Variants in WDR88 observed in about 807,000 individuals in gnomAD.
WDR88 encodes WD repeat-containing protein 88.
In WDR88, 40 loss-of-function variants were observed where a neutral mutation model predicts 46.8. That is an observed-to-expected ratio of 0.86 (90% confidence interval 0.66 to 1.11). The LOEUF (loss-of-function observed/expected upper bound fraction) is 1.11, where lower values mean the gene tolerates loss of function less well. WDR88 is among the 50% of genes most tolerant of loss of function. The pLI is 0.00. For synonymous variants in WDR88, 235 were observed against 240.7 expected (o/e 0.98, Z 0.22); for missense variants, 562 against 602.4 (o/e 0.93, Z 0.70).
intron 2 of WDR88, among the ~76,000 whole-genome samples, chr19:33,140,190 T>C (rs1011852399): frequency 1.3e-5 from 2 of 152,216 alleles, no homozygotes; most frequent in Admixed American, 6.5e-5. Flanking sequence ...AGTCTTTCTC[T>C]GTCACCCAGG....
chr19:33,143,989 C>T (rs572017580), intron 2 of WDR88, among the ~76,000 whole-genome samples: 2 of 152,218 alleles, frequency 1.3e-5, no homozygotes, highest in South Asian at 4.1e-4. Context: ...TGTCTGGGTC[C>T]ACAGGGATGG....
intron 10 of WDR88, among the ~76,000 whole-genome samples, chr19:33,173,166 G>T (rs140642144): frequency 6.8e-6 from 1 of 147,888 alleles, no homozygotes. Context: ...TGCAGAGAGA[G>T]CCTGAGAGGC....
intron 2 of WDR88, among the ~76,000 whole-genome samples, chr19:33,140,509 G>C (rs1347578800): frequency 6.6e-6 from 1 of 152,152 alleles, no homozygotes; most frequent in Non-Finnish European, 1.5e-5. Context: ...AGACACGTCG[G>C]CTGGGCGCAG....
At chr19:33,143,913 C>T (rs200869636) in intron 2 of WDR88, among the ~76,000 whole-genome samples, 21 of 152,248 alleles carry the variant, frequency 1.4e-4, no homozygotes, top group East Asian at 1.4e-3. Flanking sequence ...CCTTTATTTT[C>T]CAACTGTTTA....
chr19:33,153,633 T>C (rs931248147), intron 6 of WDR88, among the ~76,000 whole-genome samples: 2 of 152,272 alleles, frequency 1.3e-5, no homozygotes, highest in African/African-American at 4.8e-5. Flanking sequence ...TAGGTGGGAC[T>C]ACAGGCGCCC....
chr19:33,172,900 G>A (rs967355652), intron 10 of WDR88, among the ~76,000 whole-genome samples: 1 of 151,818 alleles, frequency 6.6e-6, no homozygotes, highest in Non-Finnish European at 1.5e-5. Flanking sequence ...GACCAGCCTG[G>A]CCAACATGGT....
Position 33,156,395 on chromosome 19 carries a change from A to G in WDR88, c.850A>G (p.Ser284Gly), listed in dbSNP as rs767526630. The G allele has an allele frequency of 5.6e-6, 9 of 1,614,168 alleles. No individual in the cohort carries two copies. The Admixed American group carries it at 1.3e-4, about 24-fold the overall frequency. The part of the protein sequence containing the change: ...NAISNCCFTF[S>G]GHFLCTSSWD... ...AATCTCAAACTGCTGTTTTACCTTC[A>G]GTGGCCATTTCCTGTGTACAAGCTC... The change falls in exon 7 of 11, where the codon AGT (serine) becomes GGT (glycine). Residue 284 changes from serine (S) to glycine (G), a missense_variant. Ser to Gly is a moderately conservative substitution (Grantham distance 56). Transcript: ENST00000355868.
chr19:33,137,719 A>T lies in WDR88; in HGVS notation c.319A>T (p.Thr107Ser). 6.2e-7 allele frequency: 1 copy of T among 1,600,806 alleles called. No individual in the cohort carries two copies. Among genetic ancestry groups the T allele is most frequent in the Non-Finnish European group, 8.5e-7 (1 of 1,174,788 alleles). The change falls in exon 2 of 11, where the codon ACC (threonine) becomes TCC (serine). Residue 107 changes from threonine to serine, a missense_variant. Transcript: ENST00000355868. ...GAGTGGGCACGAGCACGCTGTGAGC[A>T]CCTGCCACTTCTGTGTGGATGACAC... is the stretch of plus-strand genomic sequence containing the variant. ...ILSGHEHAVS[T>S]CHFCVDDTKL...
chr19:33,133,811 G>A, intron 1 of WDR88, among the ~76,000 whole-genome samples: 1 of 152,170 alleles, frequency 6.6e-6, no homozygotes, highest in East Asian at 1.9e-4. Flanking sequence ...TGCCCCCACG[G>A]TATTGCGCTC....
chr19:33,174,212 C>T (rs1428673571), intron 10 of WDR88: 1 of 1,536,540 alleles, frequency 6.5e-7, no homozygotes, highest in Non-Finnish European at 8.7e-7. Context: ...GAAGCTGAAG[C>T]AAGGATGAGC....
chr19:33,151,291 A>G lies in WDR88; in HGVS notation c.790A>G (p.Thr264Ala), dbSNP rs753595272. The change falls in exon 6 of 11, where the codon ACG (threonine) becomes GCG (alanine). Residue 264 changes from threonine to alanine, a missense_variant. Physicochemically the swap from Thr to Ala is moderately conservative, Grantham distance 58 (BLOSUM62 0). Transcript: ENST00000355868. The stretch of plus-strand genomic sequence containing the variant: ...GATCTGGGATGTTACATCCCAGGCC[A>G]CGCTGCTCACCATCACTAAGTGAGT... ...IKIWDVTSQA[T>A]LLTITKAHSN... 13 of 1,613,176 alleles carry G rather than the reference A, an allele frequency of 8.1e-6. No homozygotes were observed. The highest frequency in any genetic ancestry group is 3.4e-6 in the Non-Finnish European group (4 of 1,179,740).
At chr19:33,153,496 C>T (rs62125328) in intron 6 of WDR88, among the ~76,000 whole-genome samples, 15,316 of 151,838 alleles carry the variant, frequency 0.1, 943 homozygotes, top group South Asian at 0.33. Flanking sequence ...TGATATAGCC[C>T]GACCGACATT....
chr19:33,160,610 G>A (rs1043048085), intron 8 of WDR88, 114 bp downstream of exon 8: 82 of 1,095,968 alleles, frequency 7.5e-5, no homozygotes, highest in South Asian at 1.1e-4. Flanking sequence ...TGATGCCTCT[G>A]TGGGCTGATG....
intron 9 of WDR88, among the ~76,000 whole-genome samples, chr19:33,166,447 T>C (rs189326812): frequency 1.1e-4 from 17 of 151,504 alleles, no homozygotes; most frequent in African/African-American, 2.7e-4. Flanking sequence ...CCAAGCATAG[T>C]GATATGAGCC....
At chr19:33,146,472 C>T (rs143931634) in intron 3 of WDR88, among the ~76,000 whole-genome samples, 3,590 of 15,328 alleles carry the variant, frequency 0.23, 85 homozygotes, top group East Asian at 0.52. Flanking sequence ...TCTTTCCTTC[C>T]TTCCTTCCTT....
chr19:33,162,563 T>C (rs955370694), intron 8 of WDR88, among the ~76,000 whole-genome samples: 14 of 152,114 alleles, frequency 9.2e-5, no homozygotes, highest in Middle Eastern at 3.4e-3. Flanking sequence ...CTTCTCTGCT[T>C]AAGCCACAGT....
chr19:33,173,181 G>A (rs1208176743), intron 10 of WDR88, among the ~76,000 whole-genome samples: 2 of 150,618 alleles, frequency 1.3e-5, no homozygotes, highest in Non-Finnish European at 3.0e-5. Context: ...AGAGGCAGGA[G>A]CCAGCCTGGT....
At chr19:33,154,931 C>G (rs899886815) in intron 6 of WDR88, among the ~76,000 whole-genome samples, 4 of 152,136 alleles carry the variant, frequency 2.6e-5, no homozygotes, top group African/African-American at 9.7e-5. Flanking sequence ...CTGATCTGAG[C>G]TCTAGAAAAT....
intron 9 of WDR88, among the ~76,000 whole-genome samples, chr19:33,165,287 G>A (rs937631866): frequency 6.6e-6 from 1 of 152,016 alleles, no homozygotes; most frequent in South Asian, 2.1e-4. Flanking sequence ...CTAAATCCAG[G>A]AGACTGTGGG....
Sources: allele counts gnomAD v4.1 joint callset (sites outside exome capture counted in the v4.1 genomes callset), GRCh38; gene constraint gnomAD v4.1.1; transcripts MANE v1.5; gene names NCBI Gene and HGNC (gene_info 2026-07-23, HGNC 2026-07-21).